NALF1: variants seen among roughly 807,000 people sequenced by gnomAD.
NALF1 encodes the protein family with sequence similarity 155 member A.
Under a neutral mutation model 48.4 loss-of-function variants are expected in NALF1, and 3 were observed. The observed-to-expected ratio is 0.06, with a 90% CI of 0.03 to 0.16. The LOEUF is 0.16. Among genes scored for constraint, NALF1 ranks in the 10% least tolerant of loss-of-function variants. The pLI is 1.00. For missense variants in NALF1, 526 were observed against 571.5 expected (o/e 0.92, Z 0.81); for synonymous variants, 262 against 245.7 (o/e 1.07, Z -0.62).
At chr13:107,603,535 CAAA>C (rs1253300497) in intron 1 of NALF1, among the ~76,000 whole-genome samples, 1 of 151,920 alleles carries the variant, frequency 6.6e-6, no homozygotes, top group Admixed American at 6.6e-5. Context: ...TATATCAAAA[CAAA>C]AAGATAAAAA....
chr13:107,170,850 A>C, intron 2 of NALF1, 64 bp from the exon 3 acceptor site: 2 of 1,476,748 alleles, frequency 1.4e-6, no homozygotes, highest in African/African-American at 2.8e-5. Flanking sequence ...AGTAGAGTGA[A>C]GCTGTTGCTT....
chr13:107,221,314 A>G (rs1033991388), intron 1 of NALF1, among the ~76,000 whole-genome samples: 1 of 152,226 alleles, frequency 6.6e-6, no homozygotes, highest in African/African-American at 2.4e-5. Context: ...ATGGTGGCTC[A>G]TGCCTGTAAG....
At chr13:107,765,686 T>C (rs1877400283) in intron 1 of NALF1, among the ~76,000 whole-genome samples, 1 of 152,158 alleles carries the variant, frequency 6.6e-6, no homozygotes, top group Admixed American at 6.6e-5. Flanking sequence ...TTATTTATAA[T>C]AAATGGAAAT....
At chr13:107,417,974 T>G in intron 1 of NALF1, among the ~76,000 whole-genome samples, 1 of 152,108 alleles carries the variant, frequency 6.6e-6, no homozygotes, top group East Asian at 1.9e-4. Flanking sequence ...GGCAGGAGAA[T>G]CGCTTGAACC....
chr13:107,443,786 A>T (rs1884605504), intron 1 of NALF1, among the ~76,000 whole-genome samples: 1 of 152,160 alleles, frequency 6.6e-6, no homozygotes, highest in South Asian at 2.1e-4. Context: ...TGGTGTTATT[A>T]AATTTATGAG....
intron 1 of NALF1, among the ~76,000 whole-genome samples, chr13:107,540,863 T>G (rs966901593): frequency 2.0e-5 from 3 of 152,156 alleles, no homozygotes; most frequent in African/African-American, 7.2e-5. Flanking sequence ...ATACATAAAC[T>G]TATTTAGAAA....
rs755618103 is a variant in NALF1 at position 107,866,437 on chromosome 13, C to T, written c.160G>A (p.Asp54Asn). The stretch of plus-strand genomic sequence containing the variant: ...GCCTCGGCGCAGAACCACAAGTGAT[C>T]AGAGAGCAGGACTGTGAAAAACAAG... ...SLLFFTVLLSDHLWFCAEAKL... is the reference protein window; with the variant it reads ...SLLFFTVLLSNHLWFCAEAKL... The change falls in exon 1 of 3, where the codon GAT becomes AAT. Residue 54 changes from aspartate to asparagine, a missense_variant. Physicochemically the swap from Asp to Asn is conservative, Grantham distance 23. This residue lies in a region of NALF1 where 373 missense variants were observed against 355.5 expected (regional missense o/e 1.05). Transcript: ENST00000375915. The surrounding 1 kb of genome is among the most constrained non-coding windows in gnomAD (Gnocchi z 4.4). The T allele has an allele frequency of 6.2e-7, 1 of 1,614,148 alleles. No homozygotes were observed. Among genetic ancestry groups the T allele is most frequent in the Non-Finnish European group, 8.5e-7 (1 of 1,180,034 alleles).
chr13:107,386,043 CAATTTTAGTTTT>C (rs1184736262), intron 1 of NALF1, among the ~76,000 whole-genome samples: 2 of 152,056 alleles, frequency 1.3e-5, no homozygotes, highest in Non-Finnish European at 2.9e-5. Context: ...AGATACTTAC[CAATTTTAGTTTT>C]AAAATAGAGC....
At chr13:107,738,057 C>A (rs745898146) in intron 1 of NALF1, among the ~76,000 whole-genome samples, 1 of 152,152 alleles carries the variant, frequency 6.6e-6, no homozygotes. Flanking sequence ...CGGCTCTTTG[C>A]AGTCAGCACT....
chr13:107,695,027 A>C (rs1414242568), intron 1 of NALF1, among the ~76,000 whole-genome samples: 2 of 152,118 alleles, frequency 1.3e-5, no homozygotes, highest in African/African-American at 2.4e-5. Flanking sequence ...TCCTGGCTTC[A>C]AATGATCCAT....
intron 1 of NALF1, among the ~76,000 whole-genome samples, chr13:107,425,710 T>C (rs1301431748): frequency 3.9e-5 from 6 of 152,162 alleles, no homozygotes; most frequent in Non-Finnish European, 8.8e-5. Context: ...GAATACCTAT[T>C]TACTATGATG....
At chr13:107,430,322 C>T (rs965090051) in intron 1 of NALF1, among the ~76,000 whole-genome samples, 12 of 151,540 alleles carry the variant, frequency 7.9e-5, no homozygotes, top group East Asian at 7.8e-4. Flanking sequence ...TAAGTTTTAG[C>T]GTACATGTGC....
chr13:107,853,455 G>A (rs1880368153), intron 1 of NALF1, among the ~76,000 whole-genome samples: 1 of 152,080 alleles, frequency 6.6e-6, no homozygotes, highest in South Asian at 2.1e-4. Flanking sequence ...AGTCAAAAAG[G>A]GAACTAGGAA....
At chr13:107,568,070 T>C (rs1877867569) in intron 1 of NALF1, among the ~76,000 whole-genome samples, 1 of 152,150 alleles carries the variant, frequency 6.6e-6, no homozygotes, top group Non-Finnish European at 1.5e-5. Flanking sequence ...CTTCACCTCA[T>C]GGGCTCAAAC....
At chr13:107,355,403 T>G (rs1882945169) in intron 1 of NALF1, among the ~76,000 whole-genome samples, 1 of 151,982 alleles carries the variant, frequency 6.6e-6, no homozygotes, top group Admixed American at 6.6e-5. Flanking sequence ...CCACTAATTT[T>G]GGCAAAATGA....
intron 1 of NALF1, among the ~76,000 whole-genome samples, chr13:107,422,720 GT>G (rs772936803): frequency 6.6e-6 from 1 of 152,208 alleles, no homozygotes; most frequent in Non-Finnish European, 1.5e-5. Flanking sequence ...CTTTGCAGAT[GT>G]GATTAAGTTA....
intron 1 of NALF1, among the ~76,000 whole-genome samples, chr13:107,617,327 G>A (rs966245124): frequency 1.3e-5 from 2 of 152,268 alleles, no homozygotes; most frequent in South Asian, 4.1e-4. Context: ...TTTATGATCT[G>A]TAGATTTCAT....
At chr13:107,305,431 T>C (rs1426134492) in intron 1 of NALF1, among the ~76,000 whole-genome samples, 1 of 152,246 alleles carries the variant, frequency 6.6e-6, no homozygotes, top group Non-Finnish European at 1.5e-5. Context: ...CCACAAACTT[T>C]TTTTTAAATT....
At chr13:107,819,524 A>G (rs768219380) in intron 1 of NALF1, among the ~76,000 whole-genome samples, 1 of 152,198 alleles carries the variant, frequency 6.6e-6, no homozygotes, top group Non-Finnish European at 1.5e-5. Context: ...TGAATCTTCC[A>G]CAAGTACAAT....
Sources: gnomAD v4.1 joint callset for allele counts (sites outside exome capture counted in the v4.1 genomes callset) on GRCh38, gnomAD v4.1.1 for gene constraint, gnomAD v4.1.1 regional missense constraint, Gnocchi (gnomAD v3.1) non-coding constraint, MANE v1.5 for transcripts, NCBI Gene and HGNC (gene_info 2026-07-23, HGNC 2026-07-21) for gene names.